The following NKAIN2 variants were observed in gnomAD, a reference collection of about 807,000 sequenced individuals.
The protein encoded by NKAIN2 is sodium/potassium transporting ATPase interacting 2.
A neutral mutation model predicts 32.6 loss-of-function variants in NKAIN2; 14 were observed. That is an observed-to-expected ratio of 0.43 (90% CI 0.28 to 0.67). The LOEUF (loss-of-function observed/expected upper bound fraction) is 0.67, where lower values mean the gene tolerates loss of function less well. Among genes scored for constraint, NKAIN2 ranks in the 30% least tolerant of loss-of-function variants. The pLI is 0.17. For synonymous variants in NKAIN2, 80 were observed against 87.2 expected, an observed-to-expected ratio of 0.92 and a Z score of 0.46; for missense variants, 198 against 258.3, an observed-to-expected ratio of 0.77 and a Z score of 1.60.
chr6:124,166,533 T>C (rs1788551858), intron 1 of NKAIN2, among the ~76,000 whole-genome samples: 1 of 150,860 alleles, frequency 6.6e-6, no homozygotes, highest in African/African-American at 2.4e-5. Flanking sequence ...TAGATCCCAT[T>C]TGTCAATTTT....
intron 5 of NKAIN2, among the ~76,000 whole-genome samples, chr6:124,809,019 G>C (rs928312615): frequency 9.2e-5 from 14 of 152,102 alleles, no homozygotes; most frequent in South Asian, 2.1e-4. Flanking sequence ...CATGCTCATG[G>C]GTAAGAAGAA....
At chr6:124,518,854 A>G (rs1322270499) in intron 3 of NKAIN2, among the ~76,000 whole-genome samples, 1 of 152,206 alleles carries the variant, frequency 6.6e-6, no homozygotes, top group African/African-American at 2.4e-5. Context: ...GAAAGATATC[A>G]TTTGACTTAA....
intron 4 of NKAIN2, among the ~76,000 whole-genome samples, chr6:124,726,591 A>G (rs1284172979): frequency 6.7e-6 from 1 of 149,802 alleles, no homozygotes; most frequent in Non-Finnish European, 1.5e-5. Flanking sequence ...AGTAGATAAA[A>G]CCACAAAGAT....
At chr6:124,419,787 A>G (rs1233405625) in intron 3 of NKAIN2, among the ~76,000 whole-genome samples, 1 of 152,082 alleles carries the variant, frequency 6.6e-6, no homozygotes, top group African/African-American at 2.4e-5. Flanking sequence ...ATGAGTTTTT[A>G]GAAGTCGCTC....
rs557238342 is a variant in NKAIN2 at position 124,157,934 on chromosome 6, C to G, written c.55-125071C>G. Among the ~76,000 whole-genome samples, 91 of 152,234 alleles carry G rather than the reference C, an allele frequency of 6.0e-4. 1 individual carries two copies. The highest frequency in any genetic ancestry group is 2.1e-3 in the African/African-American group (88 of 41,556). ...AAATTTAATTAAAGATGAAAGTGAT[C>G]TATTTGTGTCCACATTTACTCAACC... On this transcript the variant is annotated intron_variant, in intron 1 of 6. Transcript: ENST00000368417.
rs529789604 is a variant in NKAIN2 at position 124,806,247 on chromosome 6, G to A, written c.536-12140G>A. 5.9e-5 allele frequency among the ~76,000 whole-genome samples: 9 copies of A among 152,206 alleles called. No homozygotes were observed. The East Asian group carries it at 1.4e-3, about 23-fold the overall frequency. On this transcript the variant is annotated intron_variant, in intron 5 of 6. Coordinates refer to ENST00000368417, the MANE Select transcript of NKAIN2 (RefSeq NM_001040214.3). ...TTAAGGGCAGCCAGAGAGAAAGATC[G>A]GGTTACACACAAAGGGAAGCCCATC...
intron 1 of NKAIN2, among the ~76,000 whole-genome samples, chr6:124,256,023 T>C (rs1793912078): frequency 6.6e-6 from 1 of 152,216 alleles, no homozygotes; most frequent in African/African-American, 2.4e-5. Context: ...GAAAGAAAGT[T>C]GATTTTAGAC....
intron 3 of NKAIN2, among the ~76,000 whole-genome samples, chr6:124,533,537 C>A (rs1292121856): frequency 6.7e-6 from 1 of 148,954 alleles, no homozygotes; most frequent in African/African-American, 2.5e-5. Context: ...AGATGACGGG[C>A]AGGATTTATG....
chr6:124,525,993 G>A (rs1779296595), intron 3 of NKAIN2, among the ~76,000 whole-genome samples: 1 of 152,142 alleles, frequency 6.6e-6, no homozygotes, highest in East Asian at 1.9e-4. Context: ...AGATACAGTA[G>A]TTAAAAAATG....
chr6:124,610,106 G>T, intron 3 of NKAIN2, among the ~76,000 whole-genome samples: 1 of 152,090 alleles, frequency 6.6e-6, no homozygotes, highest in East Asian at 1.9e-4. Context: ...GCACCTTCAA[G>T]CACCTACTCT....
At chr6:123,811,698 T>C (rs1363250445) in intron 1 of NKAIN2, among the ~76,000 whole-genome samples, 2 of 152,114 alleles carry the variant, frequency 1.3e-5, no homozygotes, top group African/African-American at 4.8e-5. Flanking sequence ...AGTTTTAATG[T>C]TTTAACCTTT....
intron 3 of NKAIN2, among the ~76,000 whole-genome samples, chr6:124,577,169 C>G (rs966356408): frequency 6.6e-6 from 1 of 152,102 alleles, no homozygotes; most frequent in African/African-American, 2.4e-5. Flanking sequence ...GAAGCCTTCA[C>G]CAGTCATCCT....
chr6:124,695,089 A>G (rs1001423806), intron 4 of NKAIN2, among the ~76,000 whole-genome samples: 1 of 151,780 alleles, frequency 6.6e-6, no homozygotes, highest in East Asian at 1.9e-4. Flanking sequence ...TAGTGCATGG[A>G]AAGACTGTTC....
intron 4 of NKAIN2, among the ~76,000 whole-genome samples, chr6:124,749,382 A>G (rs1253197247): frequency 6.6e-6 from 1 of 151,950 alleles, no homozygotes; most frequent in Non-Finnish European, 1.5e-5. Flanking sequence ...ATGTCATGTA[A>G]CAGGTTCGCA....
intron 1 of NKAIN2, among the ~76,000 whole-genome samples, chr6:123,885,131 A>C (rs1773652261): frequency 6.6e-6 from 1 of 152,202 alleles, no homozygotes; most frequent in African/African-American, 2.4e-5. Flanking sequence ...TTAATCATTT[A>C]GCAATGTATT....
chr6:124,015,415 T>C (rs1780521430), intron 1 of NKAIN2, among the ~76,000 whole-genome samples: 1 of 152,214 alleles, frequency 6.6e-6, no homozygotes, highest in Non-Finnish European at 1.5e-5. Flanking sequence ...ATAGTTTCTG[T>C]AGGGCTTCTG....
intron 4 of NKAIN2, among the ~76,000 whole-genome samples, chr6:124,710,596 G>T (rs1461764022): frequency 6.6e-6 from 1 of 151,636 alleles, no homozygotes; most frequent in African/African-American, 2.4e-5. Context: ...GGCCTTCTTT[G>T]TCTCTTTTGA....
chr6:124,622,069 A>C (rs189000565), intron 3 of NKAIN2, among the ~76,000 whole-genome samples: 19 of 152,298 alleles, frequency 1.2e-4, no homozygotes, highest in Admixed American at 1.2e-3. Flanking sequence ...TTCTCTCACA[A>C]TTCTAGAGGT....
intron 4 of NKAIN2, among the ~76,000 whole-genome samples, chr6:124,738,208 A>T (rs1182208785): frequency 6.6e-6 from 1 of 151,920 alleles, no homozygotes; most frequent in Non-Finnish European, 1.5e-5. Context: ...ACACTTAACT[A>T]ATTTTTTTCT....
Sources: allele counts gnomAD v4.1 joint callset (sites outside exome capture counted in the v4.1 genomes callset), GRCh38; gene constraint gnomAD v4.1.1; transcripts MANE v1.5; gene names NCBI Gene and HGNC (gene_info 2026-07-23, HGNC 2026-07-21).